Variants in ZDHHC23 observed in about 807,000 individuals in gnomAD.
The protein encoded by ZDHHC23 is palmitoyltransferase ZDHHC23.
In ZDHHC23, 41 loss-of-function variants were observed where a neutral mutation model predicts 40.2. The ratio of observed to expected loss-of-function variants is 1.02; its 90% CI spans 0.79 to 1.32. The LOEUF is 1.32. Ranked by LOEUF, ZDHHC23 falls within the 40% of genes most tolerant of loss-of-function variation. The probability of loss-of-function intolerance (pLI) is 0.00; values close to 1 mark genes in which losing one functional copy is unlikely to be tolerated. For missense variants in ZDHHC23, 471 were observed against 541.5 expected, an observed-to-expected ratio of 0.87 and a Z score of 1.29; for synonymous variants, 204 against 210.2, an observed-to-expected ratio of 0.97 and a Z score of 0.26.
At position 113,953,741 on chromosome 3, in the gene ZDHHC23, G is replaced by T. The variant is rs758378208; in HGVS notation, c.203G>T (p.Arg68Ile). The T allele has an allele frequency of 4.3e-6, 7 of 1,614,128 alleles. No homozygotes were observed. The highest frequency in any genetic ancestry group is 8.5e-7 in the Non-Finnish European group (1 of 1,180,018). ...CKSLQPETCE[R>I]IMDTISDRLR... ...TCTTTACAGCCAGAGACTTGTGAAA[G>T]AATCATGGATACAATTTCTGATCGC... is the stretch of plus-strand genomic sequence containing the variant. Residue 68 changes from arginine (R) to isoleucine (I), a missense_variant, in exon 3 of 5, where the codon AGA (arginine) becomes ATA (isoleucine). Arg to Ile is a moderately conservative substitution (Grantham distance 97). Transcript: ENST00000638807.
At chr3:113,978,830 T>C in the ZDHHC23 span, 1 of 1,604,672 alleles carries the variant, frequency 6.2e-7, no homozygotes, top group Non-Finnish European at 8.5e-7. Flanking sequence ...ATGAGATGTA[T>C]TTAAGGTACC....
Position 113,961,711 on chromosome 3 carries a change from T to G in ZDHHC23, c.*3081T>G, listed in dbSNP as rs1038513918. On this transcript the variant is annotated 3_prime_UTR_variant, in exon 5 of 5. Transcript: ENST00000638807. ...TACCATCTGCCTAGCAAAAAATTGCTACAAACTTTCTCTTATGCAATAGTC... is the reference window on the plus strand; with the variant it reads ...TACCATCTGCCTAGCAAAAAATTGCGACAAACTTTCTCTTATGCAATAGTC... 1.3e-5 allele frequency: 2 copies of G among 152,674 alleles called. No homozygotes were observed. Among genetic ancestry groups the G allele is most frequent in the African/African-American group, 4.8e-5 (2 of 41,460 alleles). 9.5% of individuals were successfully genotyped at this position (152,674 alleles called of 1,614,324 possible).
At chr3:113,977,017 A>T in the ZDHHC23 span, among the ~76,000 whole-genome samples, 1 of 152,228 alleles carries the variant, frequency 6.6e-6, no homozygotes, top group Non-Finnish European at 1.5e-5. Flanking sequence ...GGAGGTAGGC[A>T]CCCTCATGGC....
intron 2 of ZDHHC23, 142 bp downstream of exon 2, chr3:113,949,105 T>G: frequency 8.8e-7 from 1 of 1,136,968 alleles, no homozygotes; most frequent in Non-Finnish European, 1.2e-6. Context: ...GGCTTCTGTG[T>G]CAAGTGTGAG....
the ZDHHC23 span, among the ~76,000 whole-genome samples, chr3:113,970,440 A>G: frequency 2.0e-5 from 3 of 152,106 alleles, no homozygotes; most frequent in South Asian, 4.2e-4. Flanking sequence ...GATTACAGCC[A>G]TGAGCCATCA....
At position 113,959,274 on chromosome 3, in the gene ZDHHC23, T is replaced by C; in HGVS notation, c.*644T>C. On this transcript the variant is annotated 3_prime_UTR_variant, in exon 5 of 5. Coordinates refer to ENST00000638807, the MANE Select transcript of ZDHHC23 (RefSeq NM_001320466.2). ...TACCTTGTTGTACAGTTATGAGAAT[T>C]TCTCCTTCTTATTAGACATGAACTA... The C allele has an allele frequency of 5.5e-6, 6 of 1,085,352 alleles. No individual in the cohort carries two copies. Among genetic ancestry groups the C allele is most frequent in the Non-Finnish European group, 6.8e-6 (6 of 881,240 alleles). The allele number at this position is 1,085,352 out of a possible 1,614,324, so 67.2% of individuals were successfully genotyped here.
At position 113,948,933 on chromosome 3, in the gene ZDHHC23, A is replaced by G. The variant is rs761614468; in HGVS notation, c.131A>G (p.Asp44Gly). 5.0e-6 allele frequency: 8 copies of G among 1,614,076 alleles called. No individual in the cohort carries two copies. In the African/African-American group the frequency reaches 1.1e-4, roughly 22 times the overall value. The change falls in exon 2 of 5, where the codon GAT (aspartate) becomes GGT (glycine). Residue 44 changes from aspartate (D) to glycine (G), a missense_variant. Around this residue, in one of 3 missense-constraint regions of ZDHHC23, gnomAD observed 83 missense variants for 67.8 expected, o/e 1.22. Transcript: ENST00000638807. Reference protein sequence around the residue: ...EKNHVATCLCDCQDLDEGCDR... With the variant: ...EKNHVATCLCGCQDLDEGCDR... ...AACCACGTGGCTACTTGTTTGTGTG[A>G]TTGTCAAGATCTGGATGAAGGGTGT... is the stretch of plus-strand genomic sequence containing the variant.
At chr3:113,957,889 G>T (rs757046416) in intron 4 of ZDHHC23, 1 of 503,934 alleles carries the variant, frequency 2.0e-6, no homozygotes, top group Non-Finnish European at 3.9e-6. Context: ...GTCGTCCATC[G>T]TCTTTTCATT....
downstream of ZDHHC23, among the ~76,000 whole-genome samples, chr3:113,967,019 A>C (rs1398545861): frequency 6.6e-6 from 1 of 152,144 alleles, no homozygotes; most frequent in Non-Finnish European, 1.5e-5. Context: ...GAATCACTTG[A>C]ACCTGGGAGG....
the ZDHHC23 span, among the ~76,000 whole-genome samples, chr3:113,975,531 G>A: frequency 1.3e-5 from 2 of 152,258 alleles, no homozygotes; most frequent in South Asian, 2.1e-4. Context: ...TGTACTGAGC[G>A]CTGTCATATA....
chr3:113,965,491 T>G (rs1940031144), downstream of ZDHHC23: 1 of 511,142 alleles, frequency 2.0e-6, no homozygotes. Flanking sequence ...GAAATCACAA[T>G]CGGGATTATG....
chr3:113,971,799 T>C, the ZDHHC23 span, among the ~76,000 whole-genome samples: 19 of 152,098 alleles, frequency 1.2e-4, no homozygotes, highest in Non-Finnish European at 8.8e-5. Context: ...TTTGAAGCCA[T>C]TAGGACCTGG....
rs201440341 is a variant in ZDHHC23 at position 113,954,031 on chromosome 3, C to T, written c.493C>T (p.Arg165Cys). 28 of 1,614,120 alleles carry T rather than the reference C, an allele frequency of 1.7e-5. No individual in the cohort carries two copies. In the Admixed American group the frequency reaches 1.8e-4, roughly 11 times the overall value. Residue 165 changes from arginine to cysteine, a missense_variant, in exon 3 of 5, where the codon CGT becomes TGT. Arg to Cys is a radical substitution (Grantham distance 180, BLOSUM62 -3). Transcript: ENST00000638807. Reference protein sequence around the residue: ...VFLQEVVPKGRVGPVQLAVLT... With the variant: ...VFLQEVVPKGCVGPVQLAVLT... ...CCTGCAGGAAGTGGTCCCCAAAGGG[C>T]GTGTGGGTCCCGTTCAGCTGGCGGT...
In ZDHHC23 at chr3:113,948,682, T is replaced by C. The variant is rs1938364240; in HGVS notation, c.-117-4T>C. 2 of 1,193,054 alleles carry C rather than the reference T, an allele frequency of 1.7e-6. No homozygotes were observed. Among genetic ancestry groups the C allele is most frequent in the Admixed American group, 4.8e-5 (2 of 41,588 alleles). The allele number at this position is 1,193,054 out of a possible 1,614,324, so 73.9% of individuals were successfully genotyped here. On this transcript the variant is annotated splice_region_variant and splice_polypyrimidine_tract_variant and intron_variant, in intron 1 of 4. Coordinates refer to ENST00000638807, the MANE Select transcript of ZDHHC23 (RefSeq NM_001320466.2). The stretch of plus-strand genomic sequence containing the variant: ...CCTCTCTCTTCTCATTTTTGATTGC[T>C]CAGGCGTTGGAGGTTAAGCAGAGAG...
At position 113,959,257 on chromosome 3, in the gene ZDHHC23, T is replaced by G. The variant is rs2107512905; in HGVS notation, c.*627T>G. 9.2e-7 allele frequency: 1 copy of G among 1,082,520 alleles called. No individual in the cohort carries two copies. The highest frequency in any genetic ancestry group is 4.6e-4 in the Middle Eastern group (1 of 2,192). 67.1% of individuals were successfully genotyped at this position (1,082,520 alleles called of 1,614,324 possible). On this transcript the variant is annotated 3_prime_UTR_variant, in exon 5 of 5. Coordinates refer to ENST00000638807, the MANE Select transcript of ZDHHC23 (RefSeq NM_001320466.2). The stretch of plus-strand genomic sequence containing the variant: ...AATCAGTTTTCAGCATATACCTTGT[T>G]GTACAGTTATGAGAATTTCTCCTTC...
chr3:113,978,991 G>C, the ZDHHC23 span: 2 of 1,613,828 alleles, frequency 1.2e-6, no homozygotes, highest in Non-Finnish European at 1.7e-6. Context: ...CAGGAACAAA[G>C]AGTAATGTTC....
chr3:113,975,954 C>G, the ZDHHC23 span, among the ~76,000 whole-genome samples: 1 of 152,166 alleles, frequency 6.6e-6, no homozygotes, highest in Non-Finnish European at 1.5e-5. Context: ...GACTATCTTA[C>G]TATTTTATAG....
At chr3:113,966,359 A>G (rs1442479825), downstream of ZDHHC23, among the ~76,000 whole-genome samples, 1 of 152,184 alleles carries the variant, frequency 6.6e-6, no homozygotes, top group African/African-American at 2.4e-5. Flanking sequence ...GCTGAACACT[A>G]GGGGCATCAA....
At chr3:113,978,554 T>C in the ZDHHC23 span, 2 of 597,204 alleles carry the variant, frequency 3.3e-6, no homozygotes, top group Non-Finnish European at 5.8e-6. Flanking sequence ...ATTGAAGGGG[T>C]AAGTTTCTAA....
Sources: gnomAD v4.1 joint callset for allele counts (sites outside exome capture counted in the v4.1 genomes callset) on GRCh38, gnomAD v4.1.1 for gene constraint, gnomAD v4.1.1 regional missense constraint, MANE v1.5 for transcripts, NCBI Gene and HGNC (gene_info 2026-07-23, HGNC 2026-07-21) for gene names.